The following ARSG variants were observed in gnomAD, a reference collection of about 807,000 sequenced individuals.
ARSG encodes the protein ASG.
In ARSG, 37 loss-of-function variants were observed where a neutral mutation model predicts 50.5. The ratio of observed to expected loss-of-function variants is 0.73; its 90% CI spans 0.56 to 0.96. The LOEUF (loss-of-function observed/expected upper bound fraction) is 0.96. Ranked by LOEUF, ARSG falls within the 50% of genes least tolerant of loss-of-function variation. ARSG has a pLI of 0.00. For missense variants in ARSG, 629 were observed against 675.3 expected, an observed-to-expected ratio of 0.93 and a Z score of 0.76; for synonymous variants, 225 against 254.6, an observed-to-expected ratio of 0.88 and a Z score of 1.11.
chr17:68,408,288 C>A (rs1343445153), intron 11 of ARSG, among the ~76,000 whole-genome samples: 1 of 118,464 alleles, frequency 8.4e-6, no homozygotes, highest in African/African-American at 3.2e-5. Flanking sequence ...CCCCACCCCA[C>A]AACAGTCCCC....
chr17:68,401,542 A>G (rs1392992574), intron 11 of ARSG, 92 bp downstream of exon 11: 1 of 1,178,262 alleles, frequency 8.5e-7, no homozygotes, highest in Non-Finnish European at 1.2e-6. Flanking sequence ...AATGAGTGTG[A>G]GTCCCTCCTT....
chr17:68,433,645 C>T, the ARSG span: 1 of 1,285,628 alleles, frequency 7.8e-7, no homozygotes. Flanking sequence ...ACTCAGAGAT[C>T]AGCTTTATAA....
At chr17:68,447,401 A>G in the ARSG span, among the ~76,000 whole-genome samples, 2 of 152,152 alleles carry the variant, frequency 1.3e-5, no homozygotes, top group African/African-American at 4.8e-5. Context: ...TTTTTTATAG[A>G]GACAGGGTCT....
rs2081472793 is a variant in ARSG at position 68,401,521 on chromosome 17, A to AGGCCTCTG, written c.1303+74_1303+81dup. On this transcript the variant is annotated intron_variant, in intron 11 of 11. Coordinates refer to ENST00000621439, the MANE Select transcript of ARSG (RefSeq NM_001267727.2). ...ACGGGGACCCCATGGACTCTCACCC[A>AGGCCTCTG]GGCCTCTGGGAATGAGTGTGAGTCC... is the stretch of plus-strand genomic sequence containing the variant. The AGGCCTCTG allele has an allele frequency of 2.1e-6, 3 of 1,418,148 alleles. No individual in the cohort carries two copies. The East Asian group carries it at 7.0e-5, about 33-fold the overall frequency. 87.8% of individuals were successfully genotyped at this position (1,418,148 alleles called of 1,614,324 possible).
chr17:68,262,925 G>A lies in ARSG; in HGVS notation c.-552+3499G>A, dbSNP rs1239150637. On this transcript the variant is annotated intron_variant, in intron 1 of 11. Coordinates refer to the ARSG transcript ENST00000448504. Reference sequence around the variant, plus strand: ...AGCTCAGGGACAAAGTTGGGACTAAGAATGGGAGGTGCCAGTGCAGAGAGG... The same window carrying A: ...AGCTCAGGGACAAAGTTGGGACTAAAAATGGGAGGTGCCAGTGCAGAGAGG... 2.6e-5 allele frequency among the ~76,000 whole-genome samples: 4 copies of A among 152,226 alleles called. No individual in the cohort carries two copies. In the East Asian group the frequency reaches 7.7e-4, roughly 29 times the overall value.
the ARSG span, chr17:68,450,734 G>A: frequency 6.2e-7 from 1 of 1,609,602 alleles, no homozygotes; most frequent in Non-Finnish European, 8.5e-7. Context: ...TTACTTGCCG[G>A]TTCAGCCTTA....
At chr17:68,338,030 C>A (rs1219379723) in intron 2 of ARSG, among the ~76,000 whole-genome samples, 1 of 152,134 alleles carries the variant, frequency 6.6e-6, no homozygotes, top group Admixed American at 6.6e-5. Context: ...CATTCAGGTG[C>A]CTGGTTTTTC....
At chr17:68,445,795 G>C in the ARSG span, among the ~76,000 whole-genome samples, 2 of 152,164 alleles carry the variant, frequency 1.3e-5, no homozygotes, top group Admixed American at 6.5e-5. Context: ...GCAGCTCCTC[G>C]CACATCTGAG....
intron 1 of ARSG, among the ~76,000 whole-genome samples, chr17:68,278,736 C>T (rs1377710053): frequency 6.6e-6 from 1 of 150,736 alleles, no homozygotes; most frequent in Non-Finnish European, 1.5e-5. Flanking sequence ...TCTCCTGCCT[C>T]AGCCTCCCGA....
At chr17:68,428,757 C>T in the ARSG span, 88 of 1,204,044 alleles carry the variant, frequency 7.3e-5, no homozygotes, top group Non-Finnish European at 9.7e-5. Context: ...TGAAGCTTGT[C>T]GTTCTTGGCG....
At chr17:68,428,649 T>C in the ARSG span, 1 of 571,068 alleles carries the variant, frequency 1.8e-6, no homozygotes, top group Non-Finnish European at 3.1e-6. Flanking sequence ...GATTACCACA[T>C]GCTGAGGGCA....
At chr17:68,342,301 T>G (rs990507287) in intron 2 of ARSG, among the ~76,000 whole-genome samples, 1 of 151,694 alleles carries the variant, frequency 6.6e-6, no homozygotes. Context: ...TGAATGCTGC[T>G]GTGTAAAGAT....
chr17:68,300,272 A>G (rs548227884), intron 1 of ARSG, among the ~76,000 whole-genome samples: 2 of 152,324 alleles, frequency 1.3e-5, no homozygotes, highest in East Asian at 1.9e-4. Flanking sequence ...ATAATCCAGC[A>G]TATGTGGAGA....
At chr17:68,408,226 A>T (rs2081828095) in intron 11 of ARSG, among the ~76,000 whole-genome samples, 1 of 150,028 alleles carries the variant, frequency 6.7e-6, no homozygotes, top group Admixed American at 6.6e-5. Flanking sequence ...TGCACCCATT[A>T]ACTCGTCATC....
the ARSG span, among the ~76,000 whole-genome samples, chr17:68,449,826 G>A: frequency 2.0e-5 from 3 of 152,102 alleles, no homozygotes; most frequent in African/African-American, 7.2e-5. Context: ...GAGAATAGAC[G>A]AATACACTCT....
intron 6 of ARSG, 63 bp from the exon 7 acceptor site, chr17:68,368,485 C>G: frequency 6.6e-7 from 1 of 1,510,364 alleles, no homozygotes; most frequent in Non-Finnish European, 9.2e-7. Flanking sequence ...GGGAGGATCC[C>G]TGAGGCACCA....
At chr17:68,348,137 G>A (rs1732574996) in intron 4 of ARSG, among the ~76,000 whole-genome samples, 1 of 152,092 alleles carries the variant, frequency 6.6e-6, no homozygotes, top group African/African-American at 2.4e-5. Context: ...CCTCCCTTGA[G>A]CCCCTTTTCC....
chr17:68,350,847 A>G (rs916236274), intron 4 of ARSG, among the ~76,000 whole-genome samples: 3 of 152,166 alleles, frequency 2.0e-5, no homozygotes, highest in Non-Finnish European at 4.4e-5. Flanking sequence ...GCTGGAGAAG[A>G]GATAGAAGGA....
chr17:68,424,402 C>T, downstream of ARSG: 1 of 532,338 alleles, frequency 1.9e-6, no homozygotes, highest in Non-Finnish European at 3.9e-6. Context: ...TAGAGGGTTC[C>T]ACGGATCTGC....
Sources: gnomAD v4.1 joint callset for allele counts (sites outside exome capture counted in the v4.1 genomes callset) on GRCh38, gnomAD v4.1.1 for gene constraint, MANE v1.5 for transcripts, NCBI Gene and HGNC (gene_info 2026-07-23, HGNC 2026-07-21) for gene names.